The following GNG12 variants were observed in gnomAD, a reference collection of about 807,000 sequenced individuals.
The protein encoded by GNG12 is guanine nucleotide-binding protein G(I)/G(S)/G(O) subunit gamma-12.
For synonymous variants in GNG12, 28 were observed against 29.7 expected (o/e 0.94, Z 0.19); for missense variants, 69 against 83.8 (o/e 0.82, Z 0.69).
intron 2 of GNG12, among the ~76,000 whole-genome samples, chr1:67,764,675 A>G (rs1050655874): frequency 1.3e-5 from 2 of 152,198 alleles, no homozygotes; most frequent in Non-Finnish European, 2.9e-5. Flanking sequence ...AGGTACTAAC[A>G]GCTGTGTGTA....
intron 1 of GNG12, among the ~76,000 whole-genome samples, chr1:67,791,520 C>T (rs1014757721): frequency 6.6e-6 from 1 of 152,178 alleles, no homozygotes; most frequent in Non-Finnish European, 1.5e-5. Flanking sequence ...TCCCAGGGGA[C>T]ATCAATGGTA....
intron 1 of GNG12, among the ~76,000 whole-genome samples, chr1:67,821,016 A>AT (rs1167451885): frequency 6.6e-6 from 1 of 152,220 alleles, no homozygotes; most frequent in Non-Finnish European, 1.5e-5. Context: ...TACTTTAAAT[A>AT]TATCAGTAGC....
At chr1:67,770,838 G>A (rs1398133023) in intron 2 of GNG12, among the ~76,000 whole-genome samples, 2 of 152,226 alleles carry the variant, frequency 1.3e-5, no homozygotes, top group Non-Finnish European at 2.9e-5. Flanking sequence ...TGAGCAGTGG[G>A]CAGCTGGAGG....
At chr1:67,712,528 A>G (rs1646301367) in intron 2 of GNG12, among the ~76,000 whole-genome samples, 1 of 152,086 alleles carries the variant, frequency 6.6e-6, no homozygotes, top group African/African-American at 2.4e-5. Flanking sequence ...AGTCTCTACA[A>G]ATAATAACAA....
intron 1 of GNG12, among the ~76,000 whole-genome samples, chr1:67,832,807 G>T (rs1341266866): frequency 2.6e-5 from 4 of 151,044 alleles, no homozygotes; most frequent in Non-Finnish European, 4.4e-5. Flanking sequence ...GCTCCCGCCG[G>T]CTGGTCCCGG....
chr1:67,727,288 C>T (rs1646392334), intron 2 of GNG12, among the ~76,000 whole-genome samples: 1 of 152,142 alleles, frequency 6.6e-6, no homozygotes, highest in African/African-American at 2.4e-5. Flanking sequence ...TGTCTGTGAC[C>T]AAATAAGAGT....
At chr1:67,720,569 CA>C (rs975047917) in intron 2 of GNG12, among the ~76,000 whole-genome samples, 2 of 152,184 alleles carry the variant, frequency 1.3e-5, no homozygotes, top group African/African-American at 4.8e-5. Context: ...ATATTGAAAA[CA>C]AAAGCTAACA....
At chr1:67,810,670 A>G (rs573606778) in intron 1 of GNG12, among the ~76,000 whole-genome samples, 3 of 152,284 alleles carry the variant, frequency 2.0e-5, no homozygotes, top group East Asian at 1.9e-4. Context: ...AATACAATAA[A>G]TTCTCCCTCC....
At chr1:67,797,823 G>A (rs144336870) in intron 1 of GNG12, among the ~76,000 whole-genome samples, 319 of 152,096 alleles carry the variant, frequency 2.1e-3, no homozygotes, top group African/African-American at 7.2e-3. Context: ...CCATCCCCTC[G>A]GAGCCAAGAT....
chr1:67,772,853 G>A (rs1487945117), intron 2 of GNG12, among the ~76,000 whole-genome samples: 2 of 152,196 alleles, frequency 1.3e-5, no homozygotes, highest in East Asian at 1.9e-4. Flanking sequence ...CTAGAAGTAT[G>A]GCAAAAGAGG....
At chr1:67,736,476 G>A (rs919776732) in intron 2 of GNG12, among the ~76,000 whole-genome samples, 1 of 152,172 alleles carries the variant, frequency 6.6e-6, no homozygotes, top group Admixed American at 6.5e-5. Flanking sequence ...ACTGCTTCCT[G>A]TTGTGCAGCT....
chr1:67,800,228 T>C (rs1646856847), intron 1 of GNG12, among the ~76,000 whole-genome samples: 1 of 152,218 alleles, frequency 6.6e-6, no homozygotes, highest in Admixed American at 6.5e-5. Context: ...GTTGACACAT[T>C]ACATTATACA....
At chr1:67,828,767 T>C (rs1412310348) in intron 1 of GNG12, among the ~76,000 whole-genome samples, 1 of 152,238 alleles carries the variant, frequency 6.6e-6, no homozygotes, top group Non-Finnish European at 1.5e-5. Context: ...TAGGTCTATA[T>C]GCAGATCCTA....
chr1:67,756,744 A>C (rs983596572), intron 2 of GNG12, among the ~76,000 whole-genome samples: 1 of 152,182 alleles, frequency 6.6e-6, no homozygotes, highest in Non-Finnish European at 1.5e-5. Context: ...GATCTAGTTC[A>C]AGGGGTCATA....
intron 2 of GNG12, among the ~76,000 whole-genome samples, chr1:67,758,858 G>A (rs1231568927): frequency 6.6e-6 from 1 of 152,112 alleles, no homozygotes; most frequent in Non-Finnish European, 1.5e-5. Flanking sequence ...TGGAGGTAGA[G>A]ACTAGAATGG....
chr1:67,807,426 A>AC (rs1646899869), intron 1 of GNG12, among the ~76,000 whole-genome samples: 1 of 151,904 alleles, frequency 6.6e-6, no homozygotes, highest in Non-Finnish European at 1.5e-5. Flanking sequence ...ATTAATATAC[A>AC]AAGAAAAATA....
At chr1:67,803,681 G>C (rs1411487008) in intron 1 of GNG12, among the ~76,000 whole-genome samples, 1 of 152,168 alleles carries the variant, frequency 6.6e-6, no homozygotes, top group Non-Finnish European at 1.5e-5. Flanking sequence ...TCCCTTTTTA[G>C]AGATGCTTAG....
chr1:67,803,731 G>A (rs1215576906), intron 1 of GNG12, among the ~76,000 whole-genome samples: 2 of 152,204 alleles, frequency 1.3e-5, no homozygotes, highest in Non-Finnish European at 2.9e-5. Context: ...TAACTAGTCA[G>A]TGGTAAATGA....
chr1:67,772,402 G>A (rs1216490490), intron 2 of GNG12, among the ~76,000 whole-genome samples: 2 of 152,294 alleles, frequency 1.3e-5, no homozygotes, highest in East Asian at 1.9e-4. Flanking sequence ...GGTAGTCAAT[G>A]TAACTGTGCA....
Sources: allele counts gnomAD v4.1 joint callset (sites outside exome capture counted in the v4.1 genomes callset), GRCh38; gene constraint gnomAD v4.1.1; transcripts MANE v1.5; gene names NCBI Gene and HGNC (gene_info 2026-07-23, HGNC 2026-07-21).